The following PDE1C variants were observed in gnomAD, a reference collection of about 807,000 sequenced individuals.
PDE1C encodes the protein phosphodiesterase 1C, also known as dual specificity calcium/calmodulin-dependent 3',5'-cyclic nucleotide phosphodiesterase 1C.
Under a neutral mutation model 93.1 loss-of-function variants are expected in PDE1C, and 62 were observed. That is an observed-to-expected ratio of 0.67 (90% CI 0.54 to 0.82). The LOEUF (loss-of-function observed/expected upper bound fraction) is 0.82, where lower values mean the gene tolerates loss of function less well. Ranked by LOEUF, PDE1C falls within the 40% of genes least tolerant of loss-of-function variation. PDE1C has a pLI of 0.00. For synonymous variants in PDE1C, 325 were observed against 310.1 expected, an observed-to-expected ratio of 1.05 and a Z score of -0.50; for missense variants, 742 against 884.6, an observed-to-expected ratio of 0.84 and a Z score of 2.04.
At chr7:32,075,370 A>G (rs1462270350), upstream of PDE1C, among the ~76,000 whole-genome samples, 1 of 152,128 alleles carries the variant, frequency 6.6e-6, no homozygotes, top group African/African-American at 2.4e-5. Flanking sequence ...CATCAGAAGT[A>G]GCACCACCAG....
intron 1 of PDE1C, among the ~76,000 whole-genome samples, chr7:32,242,122 G>C (rs1291623046): frequency 3.3e-5 from 5 of 152,154 alleles, no homozygotes; most frequent in Non-Finnish European, 5.9e-5. Flanking sequence ...TTTTAAATGA[G>C]GCAGTAAGCA....
the PDE1C span, among the ~76,000 whole-genome samples, chr7:31,718,411 A>T: frequency 6.6e-6 from 1 of 152,172 alleles, no homozygotes; most frequent in African/African-American, 2.4e-5. Flanking sequence ...AATGGAAACC[A>T]CAGTGCATAG....
At chr7:31,703,620 G>A in the PDE1C span, among the ~76,000 whole-genome samples, 1 of 152,186 alleles carries the variant, frequency 6.6e-6, no homozygotes, top group Non-Finnish European at 1.5e-5. Flanking sequence ...CTAAAGATTT[G>A]GCAGTAATCA....
At chr7:31,651,655 G>T in the PDE1C span, among the ~76,000 whole-genome samples, 4 of 152,096 alleles carry the variant, frequency 2.6e-5, no homozygotes, top group Admixed American at 2.6e-4. Context: ...TGGGGAAATA[G>T]AAGTGTTTTA....
intron 1 of PDE1C, among the ~76,000 whole-genome samples, chr7:32,231,557 A>G (rs566956425): frequency 6.6e-6 from 1 of 152,168 alleles, no homozygotes; most frequent in African/African-American, 2.4e-5. Context: ...GGATACAAGA[A>G]AACACCCAAT....
chr7:31,990,118 C>T (rs1220220097), intron 2 of PDE1C, among the ~76,000 whole-genome samples: 1 of 152,102 alleles, frequency 6.6e-6, no homozygotes, highest in African/African-American at 2.4e-5. Context: ...CAGGAAGGCC[C>T]CTAAACTGGT....
At chr7:31,828,218 A>T in intron 12 of PDE1C, 74 bp downstream of exon 12, 1 of 1,196,226 alleles carries the variant, frequency 8.4e-7, no homozygotes, top group South Asian at 1.3e-5. Flanking sequence ...CCAAAGAACC[A>T]CTGGGATCAT....
At chr7:32,124,002 CAA>C (rs1799437313) in intron 3 of PDE1C, among the ~76,000 whole-genome samples, 1 of 152,262 alleles carries the variant, frequency 6.6e-6, no homozygotes, top group Non-Finnish European at 1.5e-5. Context: ...GCAACTTCAG[CAA>C]AGTCTCAGGA....
intron 2 of PDE1C, among the ~76,000 whole-genome samples, chr7:32,048,019 T>G (rs113268134): frequency 6.6e-6 from 1 of 152,138 alleles, no homozygotes; most frequent in Non-Finnish European, 1.5e-5. Flanking sequence ...CTATTCCCAG[T>G]CCAAATAAAC....
At chr7:32,121,476 G>C (rs1383721604) in intron 3 of PDE1C, among the ~76,000 whole-genome samples, 1 of 152,026 alleles carries the variant, frequency 6.6e-6, no homozygotes, top group Non-Finnish European at 1.5e-5. Context: ...AGGGCAGCCA[G>C]AGAGAAAGGC....
intron 2 of PDE1C, among the ~76,000 whole-genome samples, chr7:32,041,588 T>C (rs1324525902): frequency 6.6e-6 from 1 of 152,186 alleles, no homozygotes; most frequent in Non-Finnish European, 1.5e-5. Context: ...ACAGAACATG[T>C]TTTCTCTTAT....
At chr7:31,711,395 C>A in the PDE1C span, among the ~76,000 whole-genome samples, 4 of 152,138 alleles carry the variant, frequency 2.6e-5, no homozygotes. Flanking sequence ...CAAATTCAAT[C>A]ATGAAAAAAC....
chr7:31,893,906 C>T lies in PDE1C; in HGVS notation c.129-13046G>A, dbSNP rs181408087. Among the ~76,000 whole-genome samples, 32 of 152,180 alleles carry T rather than the reference C, an allele frequency of 2.1e-4. No homozygotes were observed. The East Asian group carries it at 2.5e-3, about 12-fold the overall frequency. On this transcript the variant is annotated intron_variant, in intron 2 of 17. Transcript: ENST00000396191. ...AGCCTCCACTGTACCAGGACTTCCTCGCTTAGCATTTCTAAAACCTCTTAA... is the reference window on the plus strand; with the variant it reads ...AGCCTCCACTGTACCAGGACTTCCTTGCTTAGCATTTCTAAAACCTCTTAA...
At chr7:31,914,282 C>T (rs1315210686) in intron 2 of PDE1C, among the ~76,000 whole-genome samples, 2 of 152,142 alleles carry the variant, frequency 1.3e-5, no homozygotes, top group Non-Finnish European at 2.9e-5. Context: ...TGGGAAAACT[C>T]TATCACATCA....
chr7:32,123,487 C>T (rs1339675488), intron 3 of PDE1C, among the ~76,000 whole-genome samples: 2 of 151,936 alleles, frequency 1.3e-5, no homozygotes, highest in East Asian at 3.9e-4. Context: ...ACCACTGGCA[C>T]ATCAAAAAAC....
chr7:31,793,989 CAGATAGATAGATAGATAGATAGATAGAT>C (rs60751029), intron 16 of PDE1C, among the ~76,000 whole-genome samples: 3 of 106,156 alleles, frequency 2.8e-5, no homozygotes, highest in South Asian at 3.6e-4. Context: ...ATAGATAAAC[CAGATAGATAGATAGATAGATAGATAGAT>C]AGATAGATAG....
chr7:31,875,293 C>T (rs1200956952), intron 5 of PDE1C, among the ~76,000 whole-genome samples: 1 of 152,052 alleles, frequency 6.6e-6, no homozygotes, highest in Non-Finnish European at 1.5e-5. Context: ...TGATAAAAAG[C>T]CAAGATTTAT....
chr7:32,203,732 T>A (rs1454823539), intron 2 of PDE1C, among the ~76,000 whole-genome samples: 1 of 152,194 alleles, frequency 6.6e-6, no homozygotes, highest in Admixed American at 6.5e-5. Context: ...CAGAACACGA[T>A]TCTGCTCATG....
At chr7:31,628,988 A>G in the PDE1C span, among the ~76,000 whole-genome samples, 1 of 152,214 alleles carries the variant, frequency 6.6e-6, no homozygotes, top group Non-Finnish European at 1.5e-5. Context: ...GAACTGTGGT[A>G]CTTGAATCAG....
Sources: allele counts gnomAD v4.1 joint callset (sites outside exome capture counted in the v4.1 genomes callset), GRCh38; gene constraint gnomAD v4.1.1; transcripts MANE v1.5; gene names NCBI Gene and HGNC (gene_info 2026-07-23, HGNC 2026-07-21).